Variants in RHOBTB1 observed in about 807,000 individuals in gnomAD.
RHOBTB1 encodes rho-related BTB domain-containing protein 1.
A neutral mutation model predicts 71.6 loss-of-function variants in RHOBTB1; 40 were observed. The ratio of observed to expected loss-of-function variants is 0.56; its 90% CI spans 0.43 to 0.73. RHOBTB1 has a LOEUF of 0.73. Ranked by LOEUF, RHOBTB1 falls within the 30% of genes least tolerant of loss-of-function variation. The pLI, the probability that RHOBTB1 is intolerant of heterozygous loss-of-function variation, is 0.00. For synonymous variants in RHOBTB1, 319 were observed against 334.9 expected, an observed-to-expected ratio of 0.95 and a Z score of 0.52; for missense variants, 797 against 894.0, an observed-to-expected ratio of 0.89 and a Z score of 1.38.
Position 60,877,966 on chromosome 10 carries a change from C to G in RHOBTB1, c.1668G>C (p.Pro556=). The G allele has an allele frequency of 1.2e-6, 2 of 1,613,918 alleles. No homozygotes were observed. Among genetic ancestry groups the G allele is most frequent in the Non-Finnish European group, 1.7e-6 (2 of 1,179,894 alleles). ...KQLSPNLDLD[P]LELIALANRF... ...TGTTTGCCAAGGCAATTAATTCCAGCGGGTCCAGATCCAAGTTAGGAGACA... is the reference window on the plus strand; with the variant it reads ...TGTTTGCCAAGGCAATTAATTCCAGGGGGTCCAGATCCAAGTTAGGAGACA... Residue 556 remains proline, a synonymous_variant, in exon 8 of 11, where the codon CCG becomes CCC. Coordinates refer to ENST00000337910, the MANE Select transcript of RHOBTB1 (RefSeq NM_014836.5).
intron 3 of RHOBTB1, 125 bp downstream of exon 3, chr10:60,911,226 G>A (rs2082951619): frequency 1.0e-6 from 1 of 987,188 alleles, no homozygotes; most frequent in African/African-American, 1.6e-5. Flanking sequence ...TTTCTCTCGT[G>A]GCACTAAAAA....
At chr10:60,939,125 C>T (rs893397071) in intron 2 of RHOBTB1, among the ~76,000 whole-genome samples, 6 of 152,262 alleles carry the variant, frequency 3.9e-5, no homozygotes, top group South Asian at 2.1e-4. Context: ...CTATTGGCAT[C>T]GCTTTCTTTG....
At chr10:60,872,442 G>C (rs2080840343) in intron 9 of RHOBTB1, 152 bp from the exon 10 acceptor site, 5 of 644,016 alleles carry the variant, frequency 7.8e-6, no homozygotes, top group South Asian at 7.7e-5. Flanking sequence ...TTTTGACTTT[G>C]GCCATGGCTC....
chr10:60,990,406 C>T (rs776362446), intron 1 of RHOBTB1, among the ~76,000 whole-genome samples: 21 of 152,160 alleles, frequency 1.4e-4, no homozygotes, highest in Non-Finnish European at 2.8e-4. Flanking sequence ...GAGACAGATG[C>T]AAGACATGAA....
chr10:60,994,631 A>G (rs181429791), intron 1 of RHOBTB1, among the ~76,000 whole-genome samples: 1 of 152,254 alleles, frequency 6.6e-6, no homozygotes, highest in African/African-American at 2.4e-5. Flanking sequence ...TCCTCAGGAA[A>G]AAAAATGCAA....
chr10:60,995,674 G>T (rs915993863), intron 1 of RHOBTB1, among the ~76,000 whole-genome samples: 1 of 152,026 alleles, frequency 6.6e-6, no homozygotes, highest in Non-Finnish European at 1.5e-5. Flanking sequence ...AATAATAAAG[G>T]GTTGAATGTA....
upstream of RHOBTB1, among the ~76,000 whole-genome samples, chr10:60,945,647 G>A (rs2085194020): frequency 6.6e-6 from 1 of 152,152 alleles, no homozygotes; most frequent in Non-Finnish European, 1.5e-5. Context: ...TCAAAGGCTT[G>A]CCTGGTGCTC....
intron 2 of RHOBTB1, among the ~76,000 whole-genome samples, chr10:60,934,837 G>A (rs901939534): frequency 5.9e-5 from 9 of 152,136 alleles, no homozygotes; most frequent in African/African-American, 1.9e-4. Context: ...AAAGAGCCAG[G>A]AGAACATACT....
downstream of RHOBTB1, among the ~76,000 whole-genome samples, chr10:60,865,778 A>G (rs77744337): frequency 0.022 from 3,275 of 152,266 alleles, 50 homozygotes; most frequent in Middle Eastern, 0.034. Flanking sequence ...CTTCCCACAC[A>G]TGCCTATCAC....
At chr10:60,955,757 G>A (rs1468688390) in intron 2 of RHOBTB1, among the ~76,000 whole-genome samples, 2 of 152,128 alleles carry the variant, frequency 1.3e-5, no homozygotes, top group Non-Finnish European at 2.9e-5. Context: ...TTGAATGCAA[G>A]GGAAACAGGA....
chr10:60,881,250 T>A (rs1376570140), intron 7 of RHOBTB1, among the ~76,000 whole-genome samples: 2 of 152,228 alleles, frequency 1.3e-5, no homozygotes, highest in African/African-American at 4.8e-5. Context: ...AACCTTTTTC[T>A]TTATAAATTA....
At chr10:60,998,577 C>T (rs1294274017) in intron 1 of RHOBTB1, among the ~76,000 whole-genome samples, 1 of 151,862 alleles carries the variant, frequency 6.6e-6, no homozygotes, top group East Asian at 1.9e-4. Context: ...AGAGGAAGTG[C>T]AATTTACTTA....
At chr10:60,949,973 G>GATTC (rs536228624) in intron 2 of RHOBTB1, among the ~76,000 whole-genome samples, 17 of 152,248 alleles carry the variant, frequency 1.1e-4, no homozygotes, top group African/African-American at 4.1e-4. Flanking sequence ...TTTCTGTGTG[G>GATTC]ATTCATTCAT....
chr10:60,884,269 G>C (rs2081463733), intron 7 of RHOBTB1, among the ~76,000 whole-genome samples: 1 of 152,132 alleles, frequency 6.6e-6, no homozygotes, highest in Admixed American at 6.5e-5. Context: ...CGAATTTCTT[G>C]TGCTAGTGCC....
intron 2 of RHOBTB1, among the ~76,000 whole-genome samples, chr10:60,927,714 C>T (rs148629420): frequency 6.6e-6 from 1 of 152,000 alleles, no homozygotes. Flanking sequence ...AAAATTAAAT[C>T]AAAATAGATT....
chr10:60,937,038 G>A (rs1178197303), intron 2 of RHOBTB1, among the ~76,000 whole-genome samples: 1 of 152,036 alleles, frequency 6.6e-6, no homozygotes, highest in Admixed American at 6.6e-5. Flanking sequence ...TCTATTCTAG[G>A]CCACTTGGAT....
At chr10:60,909,416 C>A (rs1009539643) in intron 4 of RHOBTB1, among the ~76,000 whole-genome samples, 27 of 152,094 alleles carry the variant, frequency 1.8e-4, no homozygotes, top group Middle Eastern at 3.4e-3. Context: ...AGATTCTAAA[C>A]CCAAATATTT....
At chr10:60,912,968 A>T (rs1352096849) in intron 2 of RHOBTB1, 1 of 152,220 alleles carries the variant, frequency 6.6e-6, no homozygotes, top group East Asian at 1.9e-4. Context: ...GTGGGCGGTC[A>T]TTTTTAAGGA....
At chr10:61,000,327 T>C (rs927078578) in intron 1 of RHOBTB1, among the ~76,000 whole-genome samples, 7 of 152,044 alleles carry the variant, frequency 4.6e-5, no homozygotes, top group Non-Finnish European at 8.8e-5. Flanking sequence ...AGAAGCAGAG[T>C]TGCACACACT....
Sources: gnomAD v4.1 joint callset for allele counts (sites outside exome capture counted in the v4.1 genomes callset) on GRCh38, gnomAD v4.1.1 for gene constraint, MANE v1.5 for transcripts, NCBI Gene and HGNC (gene_info 2026-07-23, HGNC 2026-07-21) for gene names.